Variants in MICAL2 observed in about 807,000 individuals in gnomAD.
MICAL2 encodes the protein microtubule associated monooxygenase, calponin and LIM domain containing 2.
MICAL2 carries 77 observed loss-of-function variants against 127.3 expected under a neutral mutation model. That is an observed-to-expected ratio of 0.60 (90% confidence interval 0.50 to 0.73). The LOEUF (loss-of-function observed/expected upper bound fraction) is 0.73. MICAL2 is among the 30% of genes least tolerant of loss of function. The pLI is 0.00. For synonymous variants in MICAL2, 570 were observed against 551.1 expected (o/e 1.03, Z -0.48); for missense variants, 1,351 against 1,434.4 (o/e 0.94, Z 0.94).
chr11:12,286,623 C>G (rs976712301), intron 2 of MICAL2, among the ~76,000 whole-genome samples: 10 of 152,156 alleles, frequency 6.6e-5, no homozygotes, highest in Admixed American at 6.5e-4. Flanking sequence ...AACCCCAGCA[C>G]TTTGGGAGGC....
chr11:12,335,460 A>G (rs1407273532), intron 32 of MICAL2, among the ~76,000 whole-genome samples: 3 of 152,074 alleles, frequency 2.0e-5, no homozygotes, highest in African/African-American at 7.3e-5. Flanking sequence ...GAGTTTAATT[A>G]GATCCCATTT....
At chr11:12,301,513 G>A (rs1864046772) in intron 29 of MICAL2, among the ~76,000 whole-genome samples, 1 of 152,202 alleles carries the variant, frequency 6.6e-6, no homozygotes, top group Non-Finnish European at 1.5e-5. Context: ...GTTGAGTATT[G>A]CTAAAGATAA....
At chr11:12,195,045 G>A (rs955487347) in intron 3 of MICAL2, among the ~76,000 whole-genome samples, 4 of 152,120 alleles carry the variant, frequency 2.6e-5, no homozygotes, top group African/African-American at 4.8e-5. Flanking sequence ...CAGGATGATC[G>A]CTTGAGGGCC....
chr11:12,290,218 G>A (rs912978107), downstream of MICAL2, among the ~76,000 whole-genome samples: 12 of 152,202 alleles, frequency 7.9e-5, no homozygotes, highest in African/African-American at 2.2e-4. Context: ...CATCTTGAAG[G>A]CAGTGCATGA....
intron 32 of MICAL2, among the ~76,000 whole-genome samples, chr11:12,340,561 C>T (rs1317647454): frequency 2.0e-5 from 3 of 152,130 alleles, no homozygotes; most frequent in South Asian, 2.1e-4. Context: ...CTCTTACCCA[C>T]GTGGCCAAAA....
rs932811521 is a variant in MICAL2 at position 12,244,056 on chromosome 11, G to T, written c.2728G>T (p.Asp910Tyr). 1 of 1,614,022 alleles carries T rather than the reference G, an allele frequency of 6.2e-7. No homozygotes were observed. Among genetic ancestry groups the T allele is most frequent in the African/African-American group, 1.3e-5 (1 of 74,916 alleles). Residue 910 changes from aspartate (D) to tyrosine (Y), a missense_variant, in exon 21 of 28, where the codon GAT (aspartate) becomes TAT (tyrosine). By Grantham distance (160) the Asp-to-Tyr change is radical. Coordinates refer to ENST00000683283, the MANE Select transcript of MICAL2 (RefSeq NM_001282663.2). ...PSPPSRLPSPDPAASSSPSTV... is the reference protein window; with the variant it reads ...PSPPSRLPSPYPAASSSPSTV... ...TCCTCCCTCTCGCCTTCCGTCTCCT[G>T]ATCCAGCTGCTTCTTCCTCTCCATC...
intron 29 of MICAL2, among the ~76,000 whole-genome samples, chr11:12,309,235 T>C (rs1864145686): frequency 6.6e-6 from 1 of 152,178 alleles, no homozygotes; most frequent in Non-Finnish European, 1.5e-5. Flanking sequence ...TATAAATCAT[T>C]GTTACCTATA....
intron 31 of MICAL2, chr11:12,327,080 G>T (rs1864361227): frequency 9.3e-7 from 1 of 1,074,596 alleles, no homozygotes; most frequent in African/African-American, 1.6e-5. Flanking sequence ...AAGTGAAAGG[G>T]CCTCTTTCTC....
intron 3 of MICAL2, among the ~76,000 whole-genome samples, chr11:12,186,634 G>C (rs1317485197): frequency 6.6e-6 from 1 of 152,162 alleles, no homozygotes; most frequent in Non-Finnish European, 1.5e-5. Context: ...CTGGGCCTCA[G>C]TTTACCCAGC....
chr11:12,293,517 A>T, downstream of MICAL2: 1 of 1,533,002 alleles, frequency 6.5e-7, no homozygotes, highest in Non-Finnish European at 8.8e-7. Context: ...TAAATAAATG[A>T]TGAAAATTTT....
rs751922316 is a variant in MICAL2, at chr11:12,239,584, A to G, written c.2213A>G (p.Gln738Arg). The G allele has an allele frequency of 2.7e-5, 44 of 1,613,766 alleles. No individual in the cohort carries two copies. The South Asian group carries it at 4.8e-4, about 18-fold the overall frequency. ...ACTCGGAACCCCTCACTCATGAAGC[A>G]GGTGAGTCATGTCAAATACTCACTG... Reference protein sequence around the residue: ...ESTRNPSLMKQERRVSGIGKP... With the variant: ...ESTRNPSLMKRERRVSGIGKP... The change falls in exon 17 of 28, where the codon CAG (glutamine) becomes CGG (arginine). Residue 738 changes from glutamine to arginine, a missense_variant and splice_region_variant. Gln to Arg is a conservative substitution (Grantham distance 43). Around this residue, in one of 2 missense-constraint regions of MICAL2, gnomAD observed 752 missense variants for 719.4 expected, o/e 1.05. Transcript: ENST00000683283.
intron 3 of MICAL2, among the ~76,000 whole-genome samples, chr11:12,192,172 G>GA (rs11316794): frequency 6.6e-6 from 1 of 151,952 alleles, no homozygotes; most frequent in African/African-American, 2.4e-5. Context: ...GCCCTTTATA[G>GA]AAAAAAATGT....
chr11:12,314,297 A>G (rs192612560), intron 29 of MICAL2, among the ~76,000 whole-genome samples: 312 of 151,950 alleles, frequency 2.1e-3, no homozygotes, highest in African/African-American at 5.8e-3. Flanking sequence ...TAAAAATTCA[A>G]TTTCTTCTTT....
chr11:12,233,259 A>T lies in MICAL2; in HGVS notation c.1996-2918A>T, dbSNP rs201723799. 1.2e-4 allele frequency among the ~76,000 whole-genome samples: 18 copies of T among 152,342 alleles called. No individual in the cohort carries two copies. The East Asian group carries it at 3.1e-3, about 26-fold the overall frequency. On this transcript the variant is annotated intron_variant, in intron 15 of 27. Coordinates refer to ENST00000683283, the MANE Select transcript of MICAL2 (RefSeq NM_001282663.2). ...CTTATAGTTAAGGAAACTGAAGTCA[A>T]AGTAGTTGGATGGTTTTCCTGAGAT...
intron 1 of MICAL2, among the ~76,000 whole-genome samples, chr11:12,128,621 G>A (rs571787791): frequency 1.3e-5 from 2 of 152,340 alleles, no homozygotes; most frequent in African/African-American, 4.8e-5. Context: ...ATGTAGTGGG[G>A]AAAGCATGGG....
rs942347085 is a variant in MICAL2, at chr11:12,261,522, G to C, written c.3335-958G>C. On this transcript the variant is annotated intron_variant, in intron 26 of 27. Transcript: ENST00000683283. ...TGGCTGAACAATCAAGGGGCCGCCA[G>C]AGAAAGGCCATCTACGGTGCGCAGT... 5.1e-6 allele frequency: 5 copies of C among 985,540 alleles called. No homozygotes were observed. In the South Asian group the frequency reaches 2.3e-4, roughly 46 times the overall value. The allele number at this position is 985,540 out of a possible 1,614,324, so 61.0% of individuals were successfully genotyped here.
rs549468169 is a variant in MICAL2 at position 12,239,351 on chromosome 11, G to A, written c.2065-85G>A. On this transcript the variant is annotated intron_variant, in intron 16 of 27. Coordinates refer to ENST00000683283, the MANE Select transcript of MICAL2 (RefSeq NM_001282663.2). ...GAGGGAGCCCTTCTGCGGGAAGCTA[G>A]TCCCACGTCCTGAGTCCCCAAGTCT... 3.3e-5 allele frequency: 52 copies of A among 1,581,416 alleles called. 1 individual carries two copies. In the South Asian group the frequency reaches 5.7e-4, roughly 17 times the overall value.
chr11:12,249,453 T>G (rs1187752361), intron 22 of MICAL2, among the ~76,000 whole-genome samples: 4 of 152,210 alleles, frequency 2.6e-5, no homozygotes, highest in African/African-American at 9.7e-5. Flanking sequence ...ACTTGTAATT[T>G]CCAGACACCC....
At chr11:12,360,535 T>C (rs1343547673), downstream of MICAL2, among the ~76,000 whole-genome samples, 1 of 152,236 alleles carries the variant, frequency 6.6e-6, no homozygotes, top group Non-Finnish European at 1.5e-5. Context: ...CCCAGTCTTT[T>C]CTGTCAGTTG....
Sources: allele counts gnomAD v4.1 joint callset (sites outside exome capture counted in the v4.1 genomes callset), GRCh38; gene constraint gnomAD v4.1.1; regional missense constraint gnomAD v4.1.1; transcripts MANE v1.5; gene names NCBI Gene and HGNC (gene_info 2026-07-23, HGNC 2026-07-21).